Variants in CAMKMT observed in about 807,000 individuals in gnomAD.
The protein encoded by CAMKMT is calmodulin-lysine N-methyltransferase.
In CAMKMT, 53 loss-of-function variants were observed where a neutral mutation model predicts 48.0. The observed-to-expected ratio is 1.10, with a 90% CI of 0.89 to 1.39. CAMKMT has a LOEUF of 1.39. Among genes scored for constraint, CAMKMT ranks in the 40% most tolerant of loss-of-function variants. The pLI is 0.00. For synonymous variants in CAMKMT, 165 were observed against 152.3 expected (o/e 1.08, Z -0.61); for missense variants, 428 against 402.7 (o/e 1.06, Z -0.54).
At chr2:44,593,151 C>T (rs1453739033) in intron 3 of CAMKMT, among the ~76,000 whole-genome samples, 3 of 152,142 alleles carry the variant, frequency 2.0e-5, no homozygotes, top group Non-Finnish European at 4.4e-5. Flanking sequence ...TTATGTAGGG[C>T]AAATTTTTCC....
At chr2:44,771,491 G>A (rs941398159) in intron 10 of CAMKMT, among the ~76,000 whole-genome samples, 1 of 150,392 alleles carries the variant, frequency 6.6e-6, no homozygotes, top group Non-Finnish European at 1.5e-5. Context: ...AATTGTTGGA[G>A]TATGTTCTCC....
chr2:44,399,601 A>G (rs1248392554), intron 3 of CAMKMT, among the ~76,000 whole-genome samples: 1 of 151,024 alleles, frequency 6.6e-6, no homozygotes, highest in Non-Finnish European at 1.5e-5. Context: ...CTGGTTCTAC[A>G]CCTCTTAAAT....
At chr2:44,378,462 CT>C (rs1679915076) in intron 2 of CAMKMT, among the ~76,000 whole-genome samples, 1 of 136,624 alleles carries the variant, frequency 7.3e-6, no homozygotes, top group African/African-American at 2.8e-5. Context: ...TCCAAAGCAT[CT>C]AGAATTAAGT....
intron 3 of CAMKMT, among the ~76,000 whole-genome samples, chr2:44,683,961 G>A (rs1366046095): frequency 6.6e-6 from 1 of 151,792 alleles, no homozygotes; most frequent in African/African-American, 2.4e-5. Flanking sequence ...TGGTATGAAT[G>A]TAGACTTCCA....
At chr2:44,525,084 T>C (rs1256670034) in intron 3 of CAMKMT, among the ~76,000 whole-genome samples, 4 of 152,122 alleles carry the variant, frequency 2.6e-5, no homozygotes, top group Non-Finnish European at 1.5e-5. Context: ...CACACGTTAG[T>C]AGTTATAGTA....
intron 3 of CAMKMT, among the ~76,000 whole-genome samples, chr2:44,532,311 C>A (rs1388373642): frequency 2.0e-5 from 3 of 152,038 alleles, no homozygotes; most frequent in Non-Finnish European, 4.4e-5. Context: ...TGACAAAATA[C>A]CTGGGTGTGT....
At chr2:44,629,498 T>C (rs906693394) in intron 3 of CAMKMT, among the ~76,000 whole-genome samples, 28 of 149,234 alleles carry the variant, frequency 1.9e-4, no homozygotes, top group Non-Finnish European at 2.2e-4. Context: ...TGCAGTGGCC[T>C]AATCTTGGCT....
chr2:44,525,186 C>G (rs750575854), intron 3 of CAMKMT, among the ~76,000 whole-genome samples: 1 of 152,100 alleles, frequency 6.6e-6, no homozygotes, highest in Admixed American at 6.5e-5. Flanking sequence ...TATTTTAGAA[C>G]TGTTCATGTT....
intron 3 of CAMKMT, among the ~76,000 whole-genome samples, chr2:44,628,829 A>G (rs905181914): frequency 6.6e-6 from 1 of 152,168 alleles, no homozygotes; most frequent in African/African-American, 2.4e-5. Flanking sequence ...AGTTTTCAAG[A>G]CATCTTTTTT....
At chr2:44,504,828 A>T (rs1166590845) in intron 3 of CAMKMT, among the ~76,000 whole-genome samples, 1 of 152,146 alleles carries the variant, frequency 6.6e-6, no homozygotes, top group Non-Finnish European at 1.5e-5. Context: ...GTTGCTATGA[A>T]GGAATATCTG....
At chr2:44,412,502 A>T (rs962123670) in intron 3 of CAMKMT, among the ~76,000 whole-genome samples, 4 of 151,788 alleles carry the variant, frequency 2.6e-5, no homozygotes, top group Non-Finnish European at 5.9e-5. Flanking sequence ...CGCCCAGCTA[A>T]TTTTTTGTAT....
intron 3 of CAMKMT, among the ~76,000 whole-genome samples, chr2:44,464,672 A>T (rs564139897): frequency 6.6e-6 from 1 of 152,318 alleles, no homozygotes; most frequent in African/African-American, 2.4e-5. Flanking sequence ...GAGTTGGAAG[A>T]TATACTAAAA....
rs528422886 is a variant in CAMKMT at position 44,508,533 on chromosome 2, A to G, written c.376+118228A>G. Reference sequence around the variant, plus strand: ...ACTCAAAGGTTGTGAACATCCTACAAGAGACCATTGTAGACATCCACCTAG... The same window carrying G: ...ACTCAAAGGTTGTGAACATCCTACAGGAGACCATTGTAGACATCCACCTAG... On this transcript the variant is annotated intron_variant, in intron 3 of 10. Transcript: ENST00000378494. Among the ~76,000 whole-genome samples the G allele has an allele frequency of 3.1e-3, 477 of 152,088 alleles. 2 individuals carry two copies. Among genetic ancestry groups the G allele is most frequent in the African/African-American group, 0.011 (461 of 41,464 alleles).
chr2:44,622,456 T>C (rs1173461302), intron 3 of CAMKMT, among the ~76,000 whole-genome samples: 2 of 152,202 alleles, frequency 1.3e-5, no homozygotes, highest in Admixed American at 1.3e-4. Context: ...AAAGTGAGCA[T>C]AGTACCTAAT....
At position 44,750,804 on chromosome 2, in the gene CAMKMT, A is replaced by G. The variant is rs1286189862; in HGVS notation, c.699-3251A>G. Among the ~76,000 whole-genome samples the G allele has an allele frequency of 3.9e-5, 6 of 152,346 alleles. No individual in the cohort carries two copies. The East Asian group carries it at 1.2e-3, about 29-fold the overall frequency. On this transcript the variant is annotated intron_variant, in intron 8 of 10. Transcript: ENST00000378494. ...TGAGGTGGGCAGATCACCTGAGGTC[A>G]GGAGTTTGAGACCAACCTGGCCAAC...
intron 3 of CAMKMT, chr2:44,676,726 C>T (rs1203570034): frequency 2.0e-5 from 3 of 152,232 alleles, no homozygotes; most frequent in Non-Finnish European, 4.4e-5. Flanking sequence ...GTCACCTGAC[C>T]TCACTGAGCC....
rs112253400 is a variant in CAMKMT, at chr2:44,513,057, A to T, written c.376+122752A>T. ...CTGATGAGAGCTTTGGTAATAAAACATTCTGATGAGTGCTTTGGTAATTTG... is the reference window on the plus strand; with the variant it reads ...CTGATGAGAGCTTTGGTAATAAAACTTTCTGATGAGTGCTTTGGTAATTTG... On this transcript the variant is annotated intron_variant, in intron 3 of 10. Coordinates refer to ENST00000378494, the MANE Select transcript of CAMKMT (RefSeq NM_024766.5). Among the ~76,000 whole-genome samples the T allele has an allele frequency of 2.1e-3, 324 of 152,344 alleles. 2 individuals carry two copies. The Middle Eastern group carries it at 0.024, about 11-fold the overall frequency.
At chr2:44,541,392 T>C (rs1667096881) in intron 3 of CAMKMT, among the ~76,000 whole-genome samples, 1 of 152,200 alleles carries the variant, frequency 6.6e-6, no homozygotes, top group Admixed American at 6.5e-5. Flanking sequence ...TTTAAAAATT[T>C]TCCTCACTTA....
intron 3 of CAMKMT, chr2:44,393,454 T>A (rs888159100): frequency 1.3e-5 from 2 of 152,216 alleles, no homozygotes; most frequent in African/African-American, 4.8e-5. Context: ...CGACCCAACC[T>A]TCTTTTTATA....
Sources: allele counts gnomAD v4.1 joint callset (sites outside exome capture counted in the v4.1 genomes callset), GRCh38; gene constraint gnomAD v4.1.1; transcripts MANE v1.5; gene names NCBI Gene and HGNC (gene_info 2026-07-23, HGNC 2026-07-21).